Variants in LGR6 observed in about 807,000 individuals in gnomAD.
LGR6 encodes the protein leucine-rich repeat-containing G protein-coupled receptor 6.
A neutral mutation model predicts 69.4 loss-of-function variants in LGR6; 45 were observed. The observed-to-expected ratio is 0.65, with a 90% CI of 0.51 to 0.83. The LOEUF (loss-of-function observed/expected upper bound fraction) is 0.83. Ranked by LOEUF, LGR6 falls within the 40% of genes least tolerant of loss-of-function variation. LGR6 has a pLI of 0.00. For missense variants in LGR6, 1,108 were observed against 1,246.7 expected (o/e 0.89, Z 1.68); for synonymous variants, 538 against 555.0 (o/e 0.97, Z 0.43).
chr1:202,298,967 G>C (rs1395610863), intron 7 of LGR6, among the ~76,000 whole-genome samples: 1 of 151,762 alleles, frequency 6.6e-6, no homozygotes, highest in African/African-American at 2.4e-5. Flanking sequence ...ACCACCTAGA[G>C]GAAATAGTCT....
Position 202,194,000 on chromosome 1 carries a change from C to T in LGR6, c.11C>T (p.Pro4Leu). Reference sequence around the variant, plus strand: ...AGCCCGACCGCCGAGATGCCCAGCCCGCCGGGGCTCCGGGCGCTATGGCTT... The same window carrying T: ...AGCCCGACCGCCGAGATGCCCAGCCTGCCGGGGCTCCGGGCGCTATGGCTT... MPSPPGLRALWLCA... is the reference protein window; with the variant it reads MPSLPGLRALWLCA... Residue 4 changes from proline to leucine, a missense_variant, in exon 1 of 18, where the codon CCG (proline) becomes CTG (leucine). Physicochemically the swap from Pro to Leu is moderately conservative, Grantham distance 98 (BLOSUM62 -3). Transcript: ENST00000367278. 1 of 1,376,084 alleles carries T rather than the reference C, an allele frequency of 7.3e-7. No homozygotes were observed. The highest frequency in any genetic ancestry group is 9.4e-7 in the Non-Finnish European group (1 of 1,067,094). 85.2% of individuals were successfully genotyped at this position (1,376,084 alleles called of 1,614,324 possible). A position where few individuals can be genotyped will look rare whatever the true frequency, so the allele number is the denominator to read the frequency against.
chr1:202,301,249 T>C lies in LGR6; in HGVS notation c.929+14T>C, dbSNP rs1667571946. The C allele has an allele frequency of 6.2e-7, 1 of 1,610,342 alleles. No individual in the cohort carries two copies. The highest frequency in any genetic ancestry group is 8.5e-7 in the Non-Finnish European group (1 of 1,176,694). Reference sequence around the variant, plus strand: ...ACTCCACACACTGTAAGTTGGCTCCTGAAGGCTGCTGCAGCCTGAACTTCC... The same window carrying C: ...ACTCCACACACTGTAAGTTGGCTCCCGAAGGCTGCTGCAGCCTGAACTTCC... On this transcript the variant is annotated intron_variant, in intron 9 of 17. Coordinates refer to ENST00000367278, the MANE Select transcript of LGR6 (RefSeq NM_001017403.2).
At chr1:202,241,101 C>T (rs1018898091) in intron 4 of LGR6, among the ~76,000 whole-genome samples, 7 of 152,170 alleles carry the variant, frequency 4.6e-5, no homozygotes, top group South Asian at 2.1e-4. Context: ...CAAGGGAAGC[C>T]GCCTTTTGAT....
At chr1:202,283,870 C>T (rs1016598637) in intron 6 of LGR6, among the ~76,000 whole-genome samples, 3 of 152,226 alleles carry the variant, frequency 2.0e-5, no homozygotes, top group Non-Finnish European at 4.4e-5. Context: ...GCTCTGGAGA[C>T]CAGGCTGTTT....
intron 16 of LGR6, among the ~76,000 whole-genome samples, chr1:202,311,882 G>C (rs1653769043): frequency 6.6e-6 from 1 of 152,122 alleles, no homozygotes. Context: ...GTCTCTGAGA[G>C]CCTTCTTCCC....
At chr1:202,198,468 T>C (rs550685192) in intron 1 of LGR6, among the ~76,000 whole-genome samples, 9 of 152,260 alleles carry the variant, frequency 5.9e-5, no homozygotes, top group East Asian at 1.9e-4. Context: ...GTGTTGTTAT[T>C]AGGGTGACCA....
intron 4 of LGR6, among the ~76,000 whole-genome samples, chr1:202,247,990 A>G (rs913639442): frequency 6.6e-6 from 1 of 152,142 alleles, no homozygotes; most frequent in South Asian, 2.1e-4. Flanking sequence ...GGGCTGGGAA[A>G]GTGTGATCTT....
At chr1:202,228,939 G>A (rs948508303) in intron 3 of LGR6, among the ~76,000 whole-genome samples, 6 of 152,166 alleles carry the variant, frequency 3.9e-5, no homozygotes, top group African/African-American at 1.4e-4. Flanking sequence ...GGTCTCCTTT[G>A]TACAGTTGAG....
chr1:202,254,457 C>T (rs1047047444), intron 4 of LGR6, among the ~76,000 whole-genome samples: 1 of 152,150 alleles, frequency 6.6e-6, no homozygotes, highest in Non-Finnish European at 1.5e-5. Context: ...CTTCCTCCAC[C>T]CCTGACCTCA....
At chr1:202,249,843 C>T (rs1041635722) in intron 4 of LGR6, among the ~76,000 whole-genome samples, 5 of 152,184 alleles carry the variant, frequency 3.3e-5, no homozygotes, top group Non-Finnish European at 5.9e-5. Flanking sequence ...TTACAGGCCC[C>T]CAGCTTCTAC....
At chr1:202,264,876 T>A (rs1449615207) in intron 4 of LGR6, among the ~76,000 whole-genome samples, 2 of 152,130 alleles carry the variant, frequency 1.3e-5, no homozygotes, top group African/African-American at 4.8e-5. Context: ...CAGGGGTTCT[T>A]GCACACCCAT....
intron 1 of LGR6, among the ~76,000 whole-genome samples, chr1:202,201,264 C>T (rs1449634042): frequency 6.6e-6 from 1 of 152,210 alleles, no homozygotes; most frequent in African/African-American, 2.4e-5. Flanking sequence ...TCATCAGGAA[C>T]GTTCATTCTT....
chr1:202,234,621 G>C (rs10920370), intron 3 of LGR6, among the ~76,000 whole-genome samples: 1 of 152,146 alleles, frequency 6.6e-6, no homozygotes, highest in Non-Finnish European at 1.5e-5. Flanking sequence ...TCAAAGCCTA[G>C]CTCTGTCAGT....
intron 1 of LGR6, among the ~76,000 whole-genome samples, chr1:202,196,429 A>G (rs897725118): frequency 1.3e-5 from 2 of 152,204 alleles, no homozygotes; most frequent in African/African-American, 4.8e-5. Flanking sequence ...GGAGATGTCC[A>G]GCTTGGCCCT....
chr1:202,306,992 C>A, intron 13 of LGR6, 53 bp downstream of exon 13: 2 of 1,450,362 alleles, frequency 1.4e-6, no homozygotes, highest in Non-Finnish European at 1.9e-6. Context: ...TGTCCCTCTG[C>A]TAGGCATGCT....
intron 1 of LGR6, 87 bp from the exon 2 acceptor site, chr1:202,225,336 G>A: frequency 2.5e-6 from 3 of 1,208,296 alleles, no homozygotes; most frequent in South Asian, 1.2e-5. Context: ...AGCCTCGGAG[G>A]TCCCTCGAGG....
At chr1:202,278,349 G>A (rs1665749328) in intron 5 of LGR6, among the ~76,000 whole-genome samples, 1 of 152,054 alleles carries the variant, frequency 6.6e-6, no homozygotes, top group Non-Finnish European at 1.5e-5. Context: ...GGAGTCATGG[G>A]TGACTCCAAG....
chr1:202,290,586 A>AT (rs1452507736), intron 6 of LGR6, among the ~76,000 whole-genome samples: 1 of 152,170 alleles, frequency 6.6e-6, no homozygotes, highest in Non-Finnish European at 1.5e-5. Flanking sequence ...AATAAAAAAA[A>AT]GGGGGGCCAG....
intron 5 of LGR6, among the ~76,000 whole-genome samples, chr1:202,278,849 T>C (rs1665792448): frequency 6.6e-6 from 1 of 152,176 alleles, no homozygotes; most frequent in South Asian, 2.1e-4. Context: ...CTCTGCCACA[T>C]GTGGAATCTC....
Sources: gnomAD v4.1 joint callset for allele counts (sites outside exome capture counted in the v4.1 genomes callset) on GRCh38, gnomAD v4.1.1 for gene constraint, MANE v1.5 for transcripts, NCBI Gene and HGNC (gene_info 2026-07-23, HGNC 2026-07-21) for gene names.